The following ZNF469 variants were observed in gnomAD, a reference collection of about 807,000 sequenced individuals.
ZNF469 encodes zinc finger protein 469.
A neutral mutation model predicts 1.0 loss-of-function variants in ZNF469; 1 was observed. That is an observed-to-expected ratio of 1.00 (90% CI 0.35 to 4.73). ZNF469 has a LOEUF of 4.73. Among genes scored for constraint, ZNF469 ranks in the 30% most tolerant of loss-of-function variants. The pLI, the probability that ZNF469 is intolerant of heterozygous loss-of-function variation, is 0.16. For synonymous variants in ZNF469, 2,703 were observed against 2,363.4 expected, an observed-to-expected ratio of 1.14 and a Z score of -4.17; for missense variants, 6,100 against 5,356.3, an observed-to-expected ratio of 1.14 and a Z score of -4.33.
At chr16:88,369,068 G>T in the ZNF469 span, among the ~76,000 whole-genome samples, 2 of 148,478 alleles carry the variant, frequency 1.3e-5, no homozygotes, top group African/African-American at 5.1e-5. Flanking sequence ...AACAGAGTGA[G>T]ATTCTGTCTC....
At chr16:88,379,240 G>A (rs893064277), upstream of ZNF469, among the ~76,000 whole-genome samples, 27 of 152,196 alleles carry the variant, frequency 1.8e-4, no homozygotes, top group South Asian at 6.2e-4. Flanking sequence ...ATGTGGGCTT[G>A]GCCAGGGCAT....
intron 1 of ZNF469, among the ~76,000 whole-genome samples, chr16:88,396,726 G>A (rs1323751857): frequency 1.3e-5 from 2 of 149,730 alleles, no homozygotes; most frequent in African/African-American, 2.5e-5. Flanking sequence ...CTGAAGGGAG[G>A]CCGGGAGGAG....
At chr16:88,156,138 C>G in the ZNF469 span, among the ~76,000 whole-genome samples, 1 of 152,176 alleles carries the variant, frequency 6.6e-6, no homozygotes, top group Non-Finnish European at 1.5e-5. Context: ...TTCATATAGT[C>G]CAGATACATG....
chr16:88,118,091 C>T, the ZNF469 span, among the ~76,000 whole-genome samples: 1 of 152,158 alleles, frequency 6.6e-6, no homozygotes, highest in Non-Finnish European at 1.5e-5. Context: ...TACAGGCTCC[C>T]GCCACCACAC....
the ZNF469 span, among the ~76,000 whole-genome samples, chr16:88,225,106 G>A: frequency 2.5e-4 from 38 of 152,360 alleles, no homozygotes; most frequent in East Asian, 3.1e-3. Flanking sequence ...GGCGCCTGGC[G>A]CAGGGATCAC....
At chr16:88,373,331 A>G in the ZNF469 span, among the ~76,000 whole-genome samples, 3 of 152,236 alleles carry the variant, frequency 2.0e-5, no homozygotes, top group South Asian at 6.2e-4. Flanking sequence ...AGGATGTGTT[A>G]GGTGGTTTGG....
At chr16:88,143,518 C>G in the ZNF469 span, among the ~76,000 whole-genome samples, 1 of 152,130 alleles carries the variant, frequency 6.6e-6, no homozygotes, top group Non-Finnish European at 1.5e-5. Flanking sequence ...GGGATCACCC[C>G]CACCTTCGGG....
chr16:88,103,819 A>C, the ZNF469 span, among the ~76,000 whole-genome samples: 1 of 137,694 alleles, frequency 7.3e-6, no homozygotes, highest in Non-Finnish European at 1.5e-5. Flanking sequence ...CTCCATGGCA[A>C]AAGGGAGCGG....
chr16:88,419,052 A>G lies in ZNF469; in HGVS notation c.-191-5755A>G, dbSNP rs148894543. ...GGTGTGATGGGCAGACACGATGCTC[A>G]GGATGAAGGCCGGGGCACAGCCGAA... On this transcript the variant is annotated intron_variant, in intron 1 of 2. Transcript: ENST00000565624. 4.7e-3 allele frequency among the ~76,000 whole-genome samples: 713 copies of G among 152,336 alleles called. 3 individuals are homozygous for G. Among genetic ancestry groups the G allele is most frequent in the African/African-American group, 0.016 (653 of 41,572 alleles).
chr16:88,411,570 C>G (rs1479668650), intron 1 of ZNF469, among the ~76,000 whole-genome samples: 1 of 148,012 alleles, frequency 6.8e-6, no homozygotes, highest in Non-Finnish European at 1.5e-5. Flanking sequence ...TGGCTGCAGC[C>G]TCAGGTGTGT....
rs1466159103 is a variant in ZNF469 at position 88,435,342 on chromosome 16, T to C, written c.7872T>C (p.Pro2624=). ...RWRREPTVDS[P]SHSEGKSNKK... ...GCCGAGAGCCCACCGTGGACTCTCC[T>C]AGCCACTCAGAGGGGAAGTCAAATA... is the stretch of plus-strand genomic sequence containing the variant. The change falls in exon 3 of 3, where the codon CCT becomes CCC. Residue 2624 remains proline, a synonymous_variant. Coordinates refer to ENST00000565624, the MANE Select transcript of ZNF469 (RefSeq NM_001367624.2). 6.5e-7 allele frequency: 1 copy of C among 1,550,320 alleles called. No individual in the cohort carries two copies. The highest frequency in any genetic ancestry group is 8.7e-7 in the Non-Finnish European group (1 of 1,146,974).
the ZNF469 span, among the ~76,000 whole-genome samples, chr16:88,359,021 C>G: frequency 1.3e-5 from 2 of 152,222 alleles, no homozygotes; most frequent in Admixed American, 6.5e-5. Context: ...TCTACGGGGA[C>G]TCCCCCTAGA....
At chr16:88,421,974 G>T (rs1905473964) in intron 1 of ZNF469, among the ~76,000 whole-genome samples, 1 of 152,148 alleles carries the variant, frequency 6.6e-6, no homozygotes, top group Non-Finnish European at 1.5e-5. Flanking sequence ...TGGGTGGGTG[G>T]GTGGATGAGT....
the ZNF469 span, among the ~76,000 whole-genome samples, chr16:88,156,529 C>A: frequency 1.3e-5 from 2 of 152,204 alleles, no homozygotes; most frequent in Non-Finnish European, 2.9e-5. Flanking sequence ...TGTTGAAAAT[C>A]AATTGAACCT....
the ZNF469 span, among the ~76,000 whole-genome samples, chr16:88,208,172 GTT>G: frequency 6.6e-6 from 1 of 151,934 alleles, no homozygotes; most frequent in Non-Finnish European, 1.5e-5. Context: ...ATTGTCCCGG[GTT>G]TGGTCGGTGG....
chr16:88,290,544 C>A, the ZNF469 span, among the ~76,000 whole-genome samples: 1 of 152,198 alleles, frequency 6.6e-6, no homozygotes, highest in Non-Finnish European at 1.5e-5. Context: ...AAAGTTCTAT[C>A]TGAGGCTCTA....
At chr16:88,143,355 C>T in the ZNF469 span, among the ~76,000 whole-genome samples, 3 of 152,186 alleles carry the variant, frequency 2.0e-5, no homozygotes, top group Non-Finnish European at 2.9e-5. Flanking sequence ...CCACTCAGAG[C>T]GGGGTGGAGC....
chr16:88,185,072 C>T, the ZNF469 span, among the ~76,000 whole-genome samples: 2 of 145,468 alleles, frequency 1.4e-5, no homozygotes, highest in Non-Finnish European at 3.1e-5. Flanking sequence ...GACACTCACA[C>T]CCACGGGCAC....
the ZNF469 span, among the ~76,000 whole-genome samples, chr16:88,335,128 G>C: frequency 6.6e-6 from 1 of 152,218 alleles, no homozygotes; most frequent in Non-Finnish European, 1.5e-5. Context: ...TCTGGGACTC[G>C]CAGTCTCCGG....
Sources: gnomAD v4.1 joint callset for allele counts (sites outside exome capture counted in the v4.1 genomes callset) on GRCh38, gnomAD v4.1.1 for gene constraint, MANE v1.5 for transcripts, NCBI Gene and HGNC (gene_info 2026-07-23, HGNC 2026-07-21) for gene names.